Variants in SCN11A observed in about 807,000 individuals in gnomAD.
The protein encoded by SCN11A is sodium voltage-gated channel alpha subunit 11.
Under a neutral mutation model 162.2 loss-of-function variants are expected in SCN11A, and 122 were observed. That is an observed-to-expected ratio of 0.75 (90% CI 0.65 to 0.87). SCN11A has a LOEUF of 0.87. Ranked by LOEUF, SCN11A falls within the 40% of genes least tolerant of loss-of-function variation. The pLI, the probability that SCN11A is intolerant of heterozygous loss-of-function variation, is 0.00. For missense variants in SCN11A, 2,015 were observed against 2,181.6 expected, an observed-to-expected ratio of 0.92 and a Z score of 1.52; for synonymous variants, 758 against 751.5, an observed-to-expected ratio of 1.01 and a Z score of -0.14.
intron 19 of SCN11A, among the ~76,000 whole-genome samples, chr3:38,892,663 TAAA>T (rs536049637): frequency 6.6e-6 from 1 of 151,674 alleles, no homozygotes; most frequent in Non-Finnish European, 1.5e-5. Context: ...TAAGCAATAA[TAAA>T]AAAAAGTTGT....
rs940551432 is a variant in SCN11A, at chr3:38,849,257, C to T, written c.4327+1224G>A. On this transcript the variant is annotated intron_variant, in intron 29 of 29. Coordinates refer to ENST00000302328, the MANE Select transcript of SCN11A (RefSeq NM_001349253.2). ...GACATCTGACCACCATTTTCTAGCC[C>T]TTTTTTTTTTTTTTTTTTTTTTTTT... 2.1e-3 allele frequency: 144 copies of T among 69,850 alleles called. 3 individuals are homozygous for T. The highest frequency in any genetic ancestry group is 7.3e-3 in the African/African-American group (112 of 15,444). 4.3% of individuals were successfully genotyped at this position (69,850 alleles called of 1,614,324 possible).
intron 2 of SCN11A, among the ~76,000 whole-genome samples, chr3:39,013,197 C>T (rs1283754233): frequency 1.3e-5 from 2 of 152,154 alleles, no homozygotes; most frequent in East Asian, 1.9e-4. Context: ...AATAATGCTA[C>T]CACTTAGAGA....
chr3:38,855,012 T>C (rs932364862), intron 28 of SCN11A, among the ~76,000 whole-genome samples: 1 of 152,222 alleles, frequency 6.6e-6, no homozygotes, highest in Admixed American at 6.5e-5. Context: ...TCCAGGGGGC[T>C]AACGGGAGTT....
intron 7 of SCN11A, among the ~76,000 whole-genome samples, chr3:38,937,204 C>T (rs1237580621): frequency 6.6e-6 from 1 of 151,626 alleles, no homozygotes; most frequent in Non-Finnish European, 1.5e-5. Flanking sequence ...TTCCTTACAC[C>T]TTATACAAAA....
chr3:38,935,951 T>A (rs921660367), intron 7 of SCN11A, among the ~76,000 whole-genome samples: 5 of 152,186 alleles, frequency 3.3e-5, no homozygotes, highest in African/African-American at 9.7e-5. Context: ...TTTGATGAAC[T>A]TGGATGCAAA....
chr3:38,896,127 T>C (rs557985221), intron 18 of SCN11A, among the ~76,000 whole-genome samples: 11 of 152,330 alleles, frequency 7.2e-5, no homozygotes, highest in African/African-American at 1.2e-4. Flanking sequence ...AATTATGACA[T>C]GAATACAGGT....
intron 2 of SCN11A, among the ~76,000 whole-genome samples, chr3:38,971,163 T>G (rs936376656): frequency 6.6e-6 from 1 of 152,086 alleles, no homozygotes; most frequent in African/African-American, 2.4e-5. Flanking sequence ...TTTCTTGTTT[T>G]TTTTTTTAAC....
intron 20 of SCN11A, 64 bp from the exon 21 acceptor site, chr3:38,885,466 C>T (rs755498021): frequency 4.4e-5 from 38 of 870,840 alleles, no homozygotes; most frequent in Middle Eastern, 2.2e-4. Context: ...CATAGTAGTA[C>T]GGAGTTTCTC....
intron 27 of SCN11A, among the ~76,000 whole-genome samples, chr3:38,866,391 T>C (rs1481302255): frequency 6.6e-6 from 1 of 152,126 alleles, no homozygotes; most frequent in East Asian, 1.9e-4. Context: ...GTTAATTTTT[T>C]GTATTTTTAG....
intron 28 of SCN11A, among the ~76,000 whole-genome samples, chr3:38,862,387 G>C (rs1429570615): frequency 6.6e-6 from 1 of 152,076 alleles, no homozygotes; most frequent in Non-Finnish European, 1.5e-5. Context: ...CTCACTACTA[G>C]GTACCTACCC....
intron 19 of SCN11A, among the ~76,000 whole-genome samples, chr3:38,888,505 T>G (rs925067104): frequency 6.6e-6 from 1 of 152,210 alleles, no homozygotes. Context: ...AGGAGGTGAA[T>G]TCACTTGAGA....
chr3:38,925,938 C>G (rs950722762), intron 8 of SCN11A, among the ~76,000 whole-genome samples: 25 of 152,236 alleles, frequency 1.6e-4, no homozygotes, highest in African/African-American at 5.8e-4. Context: ...CTGTGCTTCA[C>G]CACCTTTCAA....
chr3:38,934,433 T>C (rs1390640818), intron 7 of SCN11A, among the ~76,000 whole-genome samples: 1 of 152,078 alleles, frequency 6.6e-6, no homozygotes, highest in Non-Finnish European at 1.5e-5. Flanking sequence ...GACTGGCAAA[T>C]TGGATAAAGA....
chr3:38,876,180 C>A (rs2126100086), intron 23 of SCN11A, among the ~76,000 whole-genome samples: 1 of 152,202 alleles, frequency 6.6e-6, no homozygotes, highest in South Asian at 2.1e-4. Flanking sequence ...GAAACTGGAT[C>A]CTCATCTCTC....
intron 19 of SCN11A, among the ~76,000 whole-genome samples, chr3:38,887,841 G>T (rs558729414): frequency 8.5e-5 from 13 of 152,084 alleles, no homozygotes; most frequent in Admixed American, 5.2e-4. Context: ...GAAGACTCTT[G>T]CAACTCTGAC....
chr3:38,991,443 G>A (rs1393771813), intron 2 of SCN11A, among the ~76,000 whole-genome samples: 1 of 152,180 alleles, frequency 6.6e-6, no homozygotes, highest in Non-Finnish European at 1.5e-5. Flanking sequence ...TTGTCTCTGA[G>A]CTCCCCAACC....
chr3:38,934,213 T>C (rs2066291353), intron 7 of SCN11A, among the ~76,000 whole-genome samples: 1 of 152,072 alleles, frequency 6.6e-6, no homozygotes, highest in Non-Finnish European at 1.5e-5. Context: ...CTAAAAGAGC[T>C]CCTGAAGGAA....
At chr3:39,008,968 T>C (rs963234603) in intron 2 of SCN11A, among the ~76,000 whole-genome samples, 16 of 152,148 alleles carry the variant, frequency 1.1e-4, no homozygotes, top group African/African-American at 3.9e-4. Flanking sequence ...CCTGAAACCT[T>C]ATTAGATAAT....
At chr3:38,942,986 G>A (rs1391378306) in intron 7 of SCN11A, among the ~76,000 whole-genome samples, 6 of 152,064 alleles carry the variant, frequency 3.9e-5, no homozygotes, top group Admixed American at 2.6e-4. Context: ...CCAGAGAAAT[G>A]CAAAAATATC....
Sources: allele counts gnomAD v4.1 joint callset (sites outside exome capture counted in the v4.1 genomes callset), GRCh38; gene constraint gnomAD v4.1.1; transcripts MANE v1.5; gene names NCBI Gene and HGNC (gene_info 2026-07-23, HGNC 2026-07-21).